The following SCD5 variants were observed in gnomAD, a reference collection of about 807,000 sequenced individuals.
SCD5 encodes the protein stearoyl-CoA desaturase 5.
Under a neutral mutation model 30.4 loss-of-function variants are expected in SCD5, and 20 were observed. That is an observed-to-expected ratio of 0.66 (90% CI 0.46 to 0.96). SCD5 has a LOEUF of 0.96. Ranked by LOEUF, SCD5 falls within the 40% of genes least tolerant of loss-of-function variation. The probability of loss-of-function intolerance (pLI) is 0.00; values close to 1 mark genes in which losing one functional copy is unlikely to be tolerated. For synonymous variants in SCD5, 173 were observed against 176.4 expected, an observed-to-expected ratio of 0.98 and a Z score of 0.16; for missense variants, 381 against 443.3, an observed-to-expected ratio of 0.86 and a Z score of 1.26.
chr4:82,671,517 A>G (rs1432639639), intron 3 of SCD5, among the ~76,000 whole-genome samples: 1 of 152,200 alleles, frequency 6.6e-6, no homozygotes, highest in Non-Finnish European at 1.5e-5. Context: ...AACAAATTTA[A>G]AAGAATAGAA....
At chr4:82,678,075 G>A (rs1269966548) in intron 3 of SCD5, among the ~76,000 whole-genome samples, 2 of 152,032 alleles carry the variant, frequency 1.3e-5, no homozygotes, top group Non-Finnish European at 2.9e-5. Flanking sequence ...GCAACTAGGG[G>A]TGACCTCTAT....
rs943239645 is a variant in SCD5, at chr4:82,631,240, C to T, written c.*87G>A. On this transcript the variant is annotated 3_prime_UTR_variant, in exon 5 of 5. Transcript: ENST00000319540. Reference sequence around the variant, plus strand: ...TTCCTTCCCCACCCTCTGCCCCCTCCCACGATCCAATGTACAAGAGAGCTA... The same window carrying T: ...TTCCTTCCCCACCCTCTGCCCCCTCTCACGATCCAATGTACAAGAGAGCTA... The T allele has an allele frequency of 1.4e-5, 17 of 1,204,076 alleles. No homozygotes were observed. The African/African-American group carries it at 2.0e-4, about 14-fold the overall frequency. The allele number at this position is 1,204,076 out of a possible 1,614,324, so 74.6% of individuals were successfully genotyped here.
chr4:82,705,188 G>A, intron 2 of SCD5, 95 bp downstream of exon 2: 3 of 1,486,132 alleles, frequency 2.0e-6, no homozygotes, highest in Non-Finnish European at 2.8e-6. Flanking sequence ...CTGAGTCTAG[G>A]ACAGGGGTGG....
At chr4:82,642,977 C>T (rs1185878513) in intron 3 of SCD5, among the ~76,000 whole-genome samples, 2 of 152,172 alleles carry the variant, frequency 1.3e-5, no homozygotes, top group African/African-American at 4.8e-5. Context: ...ACCCAGGGCC[C>T]TGGTCCTGAT....
chr4:82,649,178 GGGGTGTGT>G (rs1727692536), intron 3 of SCD5, among the ~76,000 whole-genome samples: 1 of 93,422 alleles, frequency 1.1e-5, no homozygotes, highest in African/African-American at 4.3e-5. Context: ...TAGGGTGAGA[GGGGTGTGT>G]GTGTGTGTGT....
intron 3 of SCD5, among the ~76,000 whole-genome samples, chr4:82,672,837 T>C (rs1417185599): frequency 6.6e-6 from 1 of 152,086 alleles, no homozygotes; most frequent in African/African-American, 2.4e-5. Context: ...ATAAAAAGAA[T>C]TATATACTCC....
In SCD5 at chr4:82,730,026, G is replaced by T. The variant is rs115758637; in HGVS notation, c.233-24613C>A. ...CTTTTAAGATGCTATATAAGCCAAG[G>T]TGTAACCATCCCTTTGAGTTACTCA... On this transcript the variant is annotated intron_variant, in intron 1 of 4. Transcript: ENST00000319540. Among the ~76,000 whole-genome samples, 1,021 of 149,188 alleles carry T rather than the reference G, an allele frequency of 6.8e-3. 7 individuals are homozygous for T. Among genetic ancestry groups the T allele is most frequent in the African/African-American group, 0.024 (980 of 40,372 alleles).
intron 1 of SCD5, among the ~76,000 whole-genome samples, chr4:82,718,372 C>T (rs1243761687): frequency 5.3e-5 from 8 of 151,720 alleles, no homozygotes; most frequent in East Asian, 1.9e-4. Flanking sequence ...TGTTTCTCTC[C>T]GTCCTCATCT....
intron 3 of SCD5, among the ~76,000 whole-genome samples, chr4:82,673,214 A>C (rs1345093372): frequency 1.3e-5 from 2 of 150,868 alleles, no homozygotes; most frequent in Admixed American, 1.3e-4. Flanking sequence ...GGAAGGAAGA[A>C]ATAAAATTGT....
At chr4:82,712,297 T>TATATATACATATA (rs1560540874) in intron 1 of SCD5, among the ~76,000 whole-genome samples, 3 of 33,766 alleles carry the variant, frequency 8.9e-5, no homozygotes, top group Non-Finnish European at 1.9e-4. Context: ...TATATATATA[T>TATATATACATATA]TTTATTTTTA....
chr4:82,770,653 C>A (rs979295530), intron 1 of SCD5, among the ~76,000 whole-genome samples: 1 of 152,188 alleles, frequency 6.6e-6, no homozygotes, highest in Non-Finnish European at 1.5e-5. Context: ...GGCAGTGTAG[C>A]CAAGGCTGCC....
At chr4:82,728,810 G>T (rs1199942432) in intron 1 of SCD5, among the ~76,000 whole-genome samples, 2 of 152,160 alleles carry the variant, frequency 1.3e-5, no homozygotes, top group Non-Finnish European at 2.9e-5. Context: ...CTACGCTCAT[G>T]TCAATTAAAC....
At chr4:82,677,684 G>A (rs1728466004) in intron 3 of SCD5, among the ~76,000 whole-genome samples, 1 of 152,138 alleles carries the variant, frequency 6.6e-6, no homozygotes, top group Non-Finnish European at 1.5e-5. Context: ...ATTACCACAG[G>A]ACTTCAGTGC....
At chr4:82,710,892 GAC>G (rs1476526783) in intron 1 of SCD5, among the ~76,000 whole-genome samples, 2 of 28,870 alleles carry the variant, frequency 6.9e-5, no homozygotes, top group Non-Finnish European at 1.6e-4. Context: ...GAGAAAACGA[GAC>G]AGAGAGAGAG....
intron 3 of SCD5, among the ~76,000 whole-genome samples, chr4:82,637,708 G>A (rs1727462330): frequency 6.6e-6 from 1 of 152,216 alleles, no homozygotes; most frequent in Non-Finnish European, 1.5e-5. Flanking sequence ...GCCTAATCAA[G>A]CTTCTGGAAG....
chr4:82,718,267 GGA>G (rs1720275223), intron 1 of SCD5, among the ~76,000 whole-genome samples: 1 of 151,768 alleles, frequency 6.6e-6, no homozygotes, highest in South Asian at 2.1e-4. Flanking sequence ...AACATTCTAT[GGA>G]GAGAGGCCCT....
At chr4:82,785,846 C>T (rs919327658) in intron 1 of SCD5, among the ~76,000 whole-genome samples, 3 of 152,146 alleles carry the variant, frequency 2.0e-5, no homozygotes, top group African/African-American at 4.8e-5. Flanking sequence ...ACAAATATCT[C>T]CTTTTGCTAA....
intron 2 of SCD5, among the ~76,000 whole-genome samples, chr4:82,687,901 A>T (rs1166723284): frequency 6.6e-6 from 1 of 152,232 alleles, no homozygotes; most frequent in Non-Finnish European, 1.5e-5. Context: ...AACAGAGGAC[A>T]CTGTCTTTTA....
chr4:82,766,714 T>C (rs1361878640), intron 1 of SCD5, among the ~76,000 whole-genome samples: 1 of 152,218 alleles, frequency 6.6e-6, no homozygotes, highest in African/African-American at 2.4e-5. Context: ...CCTATAAAGA[T>C]TGTTGAGCTT....
Sources: gnomAD v4.1 joint callset for allele counts (sites outside exome capture counted in the v4.1 genomes callset) on GRCh38, gnomAD v4.1.1 for gene constraint, MANE v1.5 for transcripts, NCBI Gene and HGNC (gene_info 2026-07-23, HGNC 2026-07-21) for gene names.